The following TRA2A variants were observed in gnomAD, a reference collection of about 807,000 sequenced individuals.
TRA2A encodes transformer-2 protein homolog alpha.
A neutral mutation model predicts 45.7 loss-of-function variants in TRA2A; 31 were observed. The observed-to-expected ratio is 0.68, with a 90% CI of 0.51 to 0.92. TRA2A has a LOEUF of 0.92. Among genes scored for constraint, TRA2A ranks in the 40% least tolerant of loss-of-function variants. TRA2A has a pLI of 0.00. For missense variants in TRA2A, 304 were observed against 367.5 expected (o/e 0.83, Z 1.41); for synonymous variants, 132 against 126.2 (o/e 1.05, Z -0.31).
At chr7:23,518,189 G>A (rs932142180) in intron 2 of TRA2A, among the ~76,000 whole-genome samples, 4 of 151,778 alleles carry the variant, frequency 2.6e-5, no homozygotes, top group Admixed American at 1.3e-4. Flanking sequence ...TGCCCACCTC[G>A]ACCTCCCCAA....
intron 2 of TRA2A, among the ~76,000 whole-genome samples, chr7:23,516,960 T>C (rs1789902689): frequency 6.6e-6 from 1 of 151,514 alleles, no homozygotes; most frequent in Admixed American, 6.6e-5. Context: ...ATACAAAAAT[T>C]AGCCAGGTGT....
intron 5 of TRA2A, 147 bp from the exon 6 acceptor site, chr7:23,506,413 C>T (rs941897225): frequency 1.0e-6 from 1 of 993,180 alleles, no homozygotes; most frequent in African/African-American, 1.6e-5. Context: ...TTTACTGACT[C>T]CCATGGTATT....
In TRA2A at chr7:23,507,475, T is replaced by C. The variant is rs1297666144; in HGVS notation, c.586A>G (p.Ile196Val). The change falls in exon 5 of 8, where the codon ATA becomes GTA. Residue 196 changes from isoleucine to valine, a missense_variant. Ile to Val is a conservative substitution (Grantham distance 29). Coordinates refer to ENST00000297071, the MANE Select transcript of TRA2A (RefSeq NM_013293.5). The stretch of plus-strand genomic sequence containing the variant: ...GTTGGTGTGTGCGCTCTCTTGGTTA[T>C]AGAATAATCCACCCGAATTCTTCTA... The part of the protein sequence containing the change: ...DGRRIRVDYS[I>V]TKRAHTPTPG... 3 of 1,614,110 alleles carry C rather than the reference T, an allele frequency of 1.9e-6. No homozygotes were observed. Among genetic ancestry groups the C allele is most frequent in the Admixed American group, 1.7e-5 (1 of 59,990 alleles).
intron 1 of TRA2A, chr7:23,522,274 A>T (rs1790165780): frequency 1.3e-5 from 14 of 1,093,316 alleles, no homozygotes; most frequent in Non-Finnish European, 1.5e-5. Context: ...GCCTTAAAAA[A>T]ATATTCAAGT....
intron 3 of TRA2A, among the ~76,000 whole-genome samples, chr7:23,513,415 C>T (rs1206232946): frequency 6.6e-6 from 1 of 152,052 alleles, no homozygotes; most frequent in Non-Finnish European, 1.5e-5. Flanking sequence ...GTTAGGAGTT[C>T]GAGACCAGCC....
intron 4 of TRA2A, among the ~76,000 whole-genome samples, chr7:23,512,351 G>A (rs2127993239): frequency 6.6e-6 from 1 of 152,298 alleles, no homozygotes; most frequent in South Asian, 2.1e-4. Flanking sequence ...GGGCATGGTG[G>A]CCCACACTTG....
At position 23,512,750 on chromosome 7, in the gene TRA2A, G is replaced by A. The variant is rs1789683807; in HGVS notation, c.525+144C>T. Reference sequence around the variant, plus strand: ...TGGGATTACAGACATGAGCCACCGCGCCTGGACGCAAGATCCTATCTTTAA... The same window carrying A: ...TGGGATTACAGACATGAGCCACCGCACCTGGACGCAAGATCCTATCTTTAA... On this transcript the variant is annotated intron_variant, in intron 4 of 7. Coordinates refer to ENST00000297071, the MANE Select transcript of TRA2A (RefSeq NM_013293.5). 5.6e-5 allele frequency: 37 copies of A among 655,134 alleles called. No individual in the cohort carries two copies. In the South Asian group the frequency reaches 6.9e-4, roughly 12 times the overall value. The allele number at this position is 655,134 out of a possible 1,614,324, so 40.6% of individuals were successfully genotyped here. A position where few individuals can be genotyped will look rare whatever the true frequency, so the allele number is the denominator to read the frequency against.
chr7:23,517,638 G>A (rs1021941461), intron 2 of TRA2A, among the ~76,000 whole-genome samples: 4 of 150,684 alleles, frequency 2.7e-5, no homozygotes, highest in African/African-American at 7.3e-5. Context: ...ATCAGGCTGG[G>A]CGCAGTGGCT....
At chr7:23,522,572 AAAC>A (rs1790178344) in intron 1 of TRA2A, 1 of 183,010 alleles carries the variant, frequency 5.5e-6, no homozygotes, top group Admixed American at 6.5e-5. Flanking sequence ...AAAAAAAAAA[AAAC>A]AATTTTATAG....
chr7:23,505,547 A>C lies in TRA2A; in HGVS notation c.*12T>G. ...AGGAAAAAAAATGTCCTTAATTGCAACCATTCCGTTATCAATAGCGTCCTA... is the reference window on the plus strand; with the variant it reads ...AGGAAAAAAAATGTCCTTAATTGCACCCATTCCGTTATCAATAGCGTCCTA... On this transcript the variant is annotated 3_prime_UTR_variant, in exon 8 of 8. Transcript: ENST00000297071. The C allele has an allele frequency of 2.1e-6, 1 of 485,854 alleles. No individual in the cohort carries two copies. Among genetic ancestry groups the C allele is most frequent in the Non-Finnish European group, 3.7e-6 (1 of 272,124 alleles). 30.1% of individuals were successfully genotyped at this position (485,854 alleles called of 1,614,324 possible).
chr7:23,509,898 C>T (rs1167807816), intron 4 of TRA2A, among the ~76,000 whole-genome samples: 1 of 151,992 alleles, frequency 6.6e-6, no homozygotes, highest in Non-Finnish European at 1.5e-5. Context: ...TGGTGGTGCG[C>T]ACCTGTTGTC....
chr7:23,517,267 G>C (rs1258356688), intron 2 of TRA2A, among the ~76,000 whole-genome samples: 2 of 151,240 alleles, frequency 1.3e-5, no homozygotes, highest in African/African-American at 4.9e-5. Flanking sequence ...CGGATCACGA[G>C]GTCAGGAGAT....
chr7:23,516,472 T>A lies in TRA2A; in HGVS notation c.227A>T (p.His76Leu), dbSNP rs1468573492. The change falls in exon 3 of 8, where the codon CAC becomes CTC. Residue 76 changes from histidine to leucine, a missense_variant. Coordinates refer to ENST00000297071, the MANE Select transcript of TRA2A (RefSeq NM_013293.5). ...RRYTRSRSHS[H>L]SHRRRSRSRS... The stretch of plus-strand genomic sequence containing the variant: ...ACTTCGAGATCGTCTCCTATGAGAG[T>A]GAGAGTGGGATCTGGATCGAGTGTA... The A allele has an allele frequency of 1.2e-6, 2 of 1,614,170 alleles. No homozygotes were observed. Among genetic ancestry groups the A allele is most frequent in the Admixed American group, 3.3e-5 (2 of 60,010 alleles).
intron 2 of TRA2A, among the ~76,000 whole-genome samples, chr7:23,519,827 T>C (rs941507405): frequency 1.3e-5 from 2 of 152,172 alleles, no homozygotes; most frequent in African/African-American, 4.8e-5. Flanking sequence ...CCATTTTAGC[T>C]AGCACCAATT....
intron 1 of TRA2A, among the ~76,000 whole-genome samples, chr7:23,527,859 C>T (rs1465166419): frequency 6.6e-6 from 1 of 152,132 alleles, no homozygotes; most frequent in Non-Finnish European, 1.5e-5. Context: ...TTGAGCAGAT[C>T]AACATCCTTC....
intron 2 of TRA2A, 97 bp downstream of exon 2, chr7:23,521,610 G>A: frequency 7.2e-7 from 1 of 1,381,502 alleles, no homozygotes; most frequent in South Asian, 1.2e-5. Context: ...ATAATTTTGA[G>A]TCTTTCGTGA....
In TRA2A at chr7:23,505,782, A is replaced by G. The variant is rs762209160; in HGVS notation, c.802T>C (p.Tyr268His). The change falls in exon 7 of 8, where the codon TAT becomes CAT. Residue 268 changes from tyrosine (Y) to histidine (H), a missense_variant. Tyr to His is a moderately conservative substitution (Grantham distance 83). Transcript: ENST00000297071. ...RRSPSPYYSR[Y>H]RSRSRSRSYS... Reference sequence around the variant, plus strand: ...GAACGAGATCTTGATCGTGATCTATATCGACTATAATAAGGAGAAGGTGAT... The same window carrying G: ...GAACGAGATCTTGATCGTGATCTATGTCGACTATAATAAGGAGAAGGTGAT... 3 of 1,565,104 alleles carry G rather than the reference A, an allele frequency of 1.9e-6. No homozygotes were observed. Among genetic ancestry groups the G allele is most frequent in the Non-Finnish European group, 2.6e-6 (3 of 1,161,158 alleles).
In TRA2A at chr7:23,531,949, C is replaced by T. The variant is rs1268897694; in HGVS notation, c.-125G>A. 5 of 1,004,086 alleles carry T rather than the reference C, an allele frequency of 5.0e-6. No homozygotes were observed. The highest frequency in any genetic ancestry group is 7.5e-6 in the Non-Finnish European group (5 of 669,706). The allele number at this position is 1,004,086 out of a possible 1,614,324, so 62.2% of individuals were successfully genotyped here. A position where few individuals can be genotyped will look rare whatever the true frequency, so the allele number is the denominator to read the frequency against. ...AGTCGGCAACCACAGCCGCTCCACT[C>T]CACTCCCACTCGGTCGCAGGCTCCA... On this transcript the variant is annotated 5_prime_UTR_variant, in exon 1 of 8. Transcript: ENST00000297071.
rs5882904 is a variant in TRA2A, at chr7:23,505,585, CAAAAAAA to C, written c.839-23_839-17del. ...CAATAGCGTCCTAAAAGAGAAAAAGCAAAAAAAAAAAAAAAAAAAAAAAGTTAACAAT... is the reference window on the plus strand; with the variant it reads ...CAATAGCGTCCTAAAAGAGAAAAAGCAAAAAAAAAAAAAAAAGTTAACAAT... On this transcript the variant is annotated splice_polypyrimidine_tract_variant and intron_variant, in intron 7 of 7. Transcript: ENST00000297071. The C allele has an allele frequency of 7.3e-5, 18 of 244,962 alleles. No homozygotes were observed. The highest frequency in any genetic ancestry group is 1.0e-4 in the South Asian group (1 of 9,808). The allele number at this position is 244,962 out of a possible 1,614,324, so 15.2% of individuals were successfully genotyped here.
Sources: gnomAD v4.1 joint callset for allele counts (sites outside exome capture counted in the v4.1 genomes callset) on GRCh38, gnomAD v4.1.1 for gene constraint, MANE v1.5 for transcripts, NCBI Gene and HGNC (gene_info 2026-07-23, HGNC 2026-07-21) for gene names.